MARK2: variants seen among roughly 807,000 people sequenced by gnomAD.
MARK2 encodes microtubule affinity regulating kinase 2, also known as serine/threonine-protein kinase MARK2.
In MARK2, 16 loss-of-function variants were observed where a neutral mutation model predicts 89.8. The observed-to-expected ratio is 0.18, with a 90% confidence interval of 0.12 to 0.27. The LOEUF (loss-of-function observed/expected upper bound fraction) is 0.27. Ranked by LOEUF, MARK2 falls within the 10% of genes least tolerant of loss-of-function variation. The pLI, the probability that MARK2 is intolerant of heterozygous loss-of-function variation, is 1.00. For synonymous variants in MARK2, 382 were observed against 399.5 expected (o/e 0.96, Z 0.52); for missense variants, 621 against 1,049.9 (o/e 0.59, Z 5.65).
rs763369848 is a variant in MARK2, at chr11:63,895,571, C to G, written c.235-9C>G. ...GAAGTGATTTGGGGCCTTTTTGTCT[C>G]ATCCTCAGGTAGCTGTGAAGATCAT... is the stretch of plus-strand genomic sequence containing the variant. On this transcript the variant is annotated splice_polypyrimidine_tract_variant and intron_variant, in intron 2 of 18. Transcript: ENST00000402010. 6.2e-7 allele frequency: 1 copy of G among 1,610,540 alleles called. No homozygotes were observed. The highest frequency in any genetic ancestry group is 8.5e-7 in the Non-Finnish European group (1 of 1,178,044).
At chr11:63,899,846 C>T in intron 7 of MARK2, 28 bp from the exon 8 acceptor site, 2 of 1,493,862 alleles carry the variant, frequency 1.3e-6, no homozygotes, top group Non-Finnish European at 1.9e-6. Context: ...CCACTTGGTT[C>T]CCTGATGTTT....
At chr11:63,852,224 A>T (rs1264454894) in intron 1 of MARK2, among the ~76,000 whole-genome samples, 1 of 152,198 alleles carries the variant, frequency 6.6e-6, no homozygotes, top group Non-Finnish European at 1.5e-5. Flanking sequence ...AGGTAAAAAT[A>T]TGGAAGTTTT....
rs189393266 is a variant in MARK2, at chr11:63,904,530, C to G, written c.1677-256C>G. On this transcript the variant is annotated intron_variant, in intron 15 of 18. Transcript: ENST00000402010. The surrounding 1 kb of genome is among the most constrained non-coding windows in gnomAD (Gnocchi z 6.3). ...CCGGCTCCCAGGGAGCCCGCTGTCTCCAGCCTAAACCACACTCCACACAGG... is the reference window on the plus strand; with the variant it reads ...CCGGCTCCCAGGGAGCCCGCTGTCTGCAGCCTAAACCACACTCCACACAGG... Among the ~76,000 whole-genome samples the G allele has an allele frequency of 5.9e-5, 9 of 152,210 alleles. No individual in the cohort carries two copies. Among genetic ancestry groups the G allele is most frequent in the African/African-American group, 1.9e-4 (8 of 41,514 alleles).
At chr11:63,858,086 G>A (rs2016957131) in intron 1 of MARK2, among the ~76,000 whole-genome samples, 2 of 152,230 alleles carry the variant, frequency 1.3e-5, no homozygotes, top group East Asian at 1.9e-4. Flanking sequence ...GAGTGCAGTG[G>A]CACCATCTCA....
At position 63,903,588 on chromosome 11, in the gene MARK2, G is replaced by T. The variant is rs898205153; in HGVS notation, c.1515-398G>T. Among the ~76,000 whole-genome samples the T allele has an allele frequency of 6.6e-6, 1 of 151,944 alleles. No individual in the cohort carries two copies. Among genetic ancestry groups the T allele is most frequent in the East Asian group, 1.9e-4 (1 of 5,162 alleles). On this transcript the variant is annotated intron_variant, in intron 14 of 18. Transcript: ENST00000402010. This position sits in a 1 kb window ranked among gnomAD's most constrained non-coding sequence, Gnocchi z 5.1. Reference sequence around the variant, plus strand: ...CAGAGCTCCCCAGCCTTCACCGGCCGCATTTCTTGGTGTTGCATTCCTGGC... The same window carrying T: ...CAGAGCTCCCCAGCCTTCACCGGCCTCATTTCTTGGTGTTGCATTCCTGGC...
At chr11:63,850,264 T>C (rs1198983870) in intron 1 of MARK2, among the ~76,000 whole-genome samples, 1 of 151,222 alleles carries the variant, frequency 6.6e-6, no homozygotes, top group Non-Finnish European at 1.5e-5. Context: ...TTCTCCTGCC[T>C]CAGCCTCCCA....
chr11:63,904,888 C>T lies in MARK2; in HGVS notation c.1779C>T (p.Ser593=), dbSNP rs1027237061. The T allele has an allele frequency of 6.2e-7, 1 of 1,614,114 alleles. No homozygotes were observed. The highest frequency in any genetic ancestry group is 1.3e-5 in the African/African-American group (1 of 74,944). The change falls in exon 16 of 19, where the codon AGC becomes AGT. Residue 593 remains serine (S), a synonymous_variant. Transcript: ENST00000402010. This position sits in a 1 kb window ranked among gnomAD's most constrained non-coding sequence, Gnocchi z 6.3. ...CTAACTTCCCCCGGGGTGTGTCCAG[C>T]CGAAGCACCTTCCATGCTGGGCAGC... ...DRTNFPRGVS[S]RSTFHAGQLR... is the part of the protein sequence containing the mutation.
chr11:63,876,895 G>T (rs1308288446), intron 1 of MARK2, among the ~76,000 whole-genome samples: 1 of 152,046 alleles, frequency 6.6e-6, no homozygotes, highest in African/African-American at 2.4e-5. Context: ...GGTTCCTGAG[G>T]GCTTCGACCA....
intron 1 of MARK2, among the ~76,000 whole-genome samples, chr11:63,856,932 C>T (rs868620811): frequency 3.4e-4 from 51 of 151,576 alleles, no homozygotes; most frequent in Admixed American, 7.9e-4. Flanking sequence ...CTCAGCCTCC[C>T]GAGTAGCTGG....
chr11:63,905,314 G>A (rs1304125853), intron 16 of MARK2, among the ~76,000 whole-genome samples: 1 of 152,210 alleles, frequency 6.6e-6, no homozygotes, highest in Non-Finnish European at 1.5e-5. Flanking sequence ...TCCTCTCTAG[G>A]AGAGTGTGAA....
rs1940990122 is a variant in MARK2 at position 63,902,593 on chromosome 11, T to G, written c.1235-8T>G. On this transcript the variant is annotated splice_region_variant and splice_polypyrimidine_tract_variant and intron_variant, in intron 12 of 18. Coordinates refer to ENST00000402010, the MANE Select transcript of MARK2 (RefSeq NM_001039469.3). The surrounding 1 kb of genome is among the most constrained non-coding windows in gnomAD (Gnocchi z 4.2). ...GCCTTACCCATTCCCATCCTCCCTC[T>G]GGCCCAGCAGCTGGTCCTGCCATTC... The G allele has an allele frequency of 6.2e-7, 1 of 1,612,492 alleles. No individual in the cohort carries two copies. The highest frequency in any genetic ancestry group is 8.5e-7 in the Non-Finnish European group (1 of 1,179,138).
intron 1 of MARK2, among the ~76,000 whole-genome samples, chr11:63,840,531 T>G (rs1474897070): frequency 2.6e-5 from 4 of 152,212 alleles, no homozygotes; most frequent in Non-Finnish European, 1.5e-5. Context: ...TTTGCCTTTC[T>G]GTCTTCGTAC....
At position 63,903,874 on chromosome 11, in the gene MARK2, A is replaced by G. The variant is rs752555410; in HGVS notation, c.1515-112A>G. 1.2e-6 allele frequency: 1 copy of G among 839,286 alleles called. No homozygotes were observed. 52.0% of individuals were successfully genotyped at this position (839,286 alleles called of 1,614,324 possible). ...CCGCTGCTGCCCAGGCCTGACTTCT[A>G]CCCTGCCAGAGCTCCCCAGCTCTGG... On this transcript the variant is annotated intron_variant, in intron 14 of 18. Transcript: ENST00000402010. This position sits in a 1 kb window ranked among gnomAD's most constrained non-coding sequence, Gnocchi z 5.1.
chr11:63,862,867 CAAAA>C (rs5792302), intron 1 of MARK2, among the ~76,000 whole-genome samples: 1 of 151,542 alleles, frequency 6.6e-6, no homozygotes, highest in African/African-American at 2.4e-5. Flanking sequence ...CACTCCCCAC[CAAAA>C]AAAACCCCAC....
chr11:63,844,841 CT>C (rs992448290), intron 1 of MARK2, among the ~76,000 whole-genome samples: 25 of 152,236 alleles, frequency 1.6e-4, no homozygotes, highest in African/African-American at 6.0e-4. Flanking sequence ...TTCATGAACT[CT>C]TTCCCATTGA....
intron 6 of MARK2, 85 bp from the exon 7 acceptor site, chr11:63,898,967 C>T (rs975925347): frequency 2.5e-6 from 3 of 1,221,798 alleles, no homozygotes. Context: ...GGCAGGTTAG[C>T]ACTAAGTCAC....
At chr11:63,849,783 A>G (rs1269918212) in intron 1 of MARK2, among the ~76,000 whole-genome samples, 2 of 152,188 alleles carry the variant, frequency 1.3e-5, no homozygotes, top group Non-Finnish European at 2.9e-5. Context: ...TTTTGCGGCT[A>G]GATTTCCTGT....
chr11:63,851,779 T>C (rs77963084), intron 1 of MARK2, among the ~76,000 whole-genome samples: 1 of 152,176 alleles, frequency 6.6e-6, no homozygotes, highest in African/African-American at 2.4e-5. Context: ...TTTTTTTTTT[T>C]TCTTGTTTCT....
At chr11:63,892,248 A>G (rs1450845119) in intron 1 of MARK2, among the ~76,000 whole-genome samples, 1 of 152,144 alleles carries the variant, frequency 6.6e-6, no homozygotes, top group Non-Finnish European at 1.5e-5. Context: ...CCAAGGTCCA[A>G]CCCCATGTGT....
Sources: gnomAD v4.1 joint callset for allele counts (sites outside exome capture counted in the v4.1 genomes callset) on GRCh38, gnomAD v4.1.1 for gene constraint, Gnocchi (gnomAD v3.1) non-coding constraint, MANE v1.5 for transcripts, NCBI Gene and HGNC (gene_info 2026-07-23, HGNC 2026-07-21) for gene names.